The following GAS2 variants were observed in gnomAD, a reference collection of about 807,000 sequenced individuals.
GAS2 encodes the protein growth arrest-specific protein 2.
A neutral mutation model predicts 37.5 loss-of-function variants in GAS2; 20 were observed. The observed-to-expected ratio is 0.53, with a 90% CI of 0.37 to 0.77. GAS2 has a LOEUF of 0.77. Among genes scored for constraint, GAS2 ranks in the 30% least tolerant of loss-of-function variants. The probability of loss-of-function intolerance (pLI) is 0.00; values close to 1 mark genes in which losing one functional copy is unlikely to be tolerated. For synonymous variants in GAS2, 144 were observed against 132.2 expected (o/e 1.09, Z -0.61); for missense variants, 336 against 373.4 (o/e 0.90, Z 0.82).
intron 4 of GAS2, among the ~76,000 whole-genome samples, chr11:22,730,965 A>C (rs1852444209): frequency 6.6e-6 from 1 of 151,824 alleles, no homozygotes; most frequent in Non-Finnish European, 1.5e-5. Flanking sequence ...GCTAAGTTTT[A>C]CAATTTAAAT....
intron 7 of GAS2, among the ~76,000 whole-genome samples, chr11:22,758,066 A>G (rs976217996): frequency 2.6e-5 from 4 of 152,194 alleles, no homozygotes; most frequent in African/African-American, 4.8e-5. Context: ...TAGGGACTAT[A>G]TTTAATTGAT....
At chr11:22,759,474 T>C (rs954537467) in intron 7 of GAS2, among the ~76,000 whole-genome samples, 1 of 152,202 alleles carries the variant, frequency 6.6e-6, no homozygotes. Context: ...AAATGGGAAT[T>C]TTTTTTGTTT....
At chr11:22,782,316 A>T (rs949956476) in intron 7 of GAS2, among the ~76,000 whole-genome samples, 4 of 152,180 alleles carry the variant, frequency 2.6e-5, no homozygotes, top group African/African-American at 9.7e-5. Flanking sequence ...CATTATCATT[A>T]TTTTTCTTTC....
At chr11:22,715,212 A>G (rs1340396000) in intron 3 of GAS2, among the ~76,000 whole-genome samples, 1 of 152,168 alleles carries the variant, frequency 6.6e-6, no homozygotes, top group African/African-American at 2.4e-5. Context: ...CCTGTAATCC[A>G]GCACTTTGGG....
At position 22,749,760 on chromosome 11, in the gene GAS2, G is replaced by C. The variant is rs542409391; in HGVS notation, c.615+499G>C. 2.0e-5 allele frequency among the ~76,000 whole-genome samples: 3 copies of C among 151,944 alleles called. No homozygotes were observed. In the South Asian group the frequency reaches 6.2e-4, roughly 32 times the overall value. The stretch of plus-strand genomic sequence containing the variant: ...GAGTAACCTGCTGAGGGGAGGAGAG[G>C]AGCTTAGATTCCAACAAAAGTTTTG... On this transcript the variant is annotated intron_variant, in intron 6 of 7. Transcript: ENST00000454584.
chr11:22,810,578 T>C (rs1002800573), intron 7 of GAS2, among the ~76,000 whole-genome samples: 1 of 152,216 alleles, frequency 6.6e-6, no homozygotes, highest in African/African-American at 2.4e-5. Flanking sequence ...ATAAATCAAA[T>C]AGCTTTAATT....
At chr11:22,779,755 A>G (rs1398365617) in intron 7 of GAS2, among the ~76,000 whole-genome samples, 1 of 151,790 alleles carries the variant, frequency 6.6e-6, no homozygotes, top group African/African-American at 2.4e-5. Context: ...CATTACAGTA[A>G]CTCTTTCTGG....
intron 7 of GAS2, among the ~76,000 whole-genome samples, chr11:22,789,388 ATATG>A (rs1351656601): frequency 6.6e-5 from 5 of 75,386 alleles, no homozygotes; most frequent in East Asian, 8.1e-4. Flanking sequence ...ATGTACATAT[ATATG>A]TGTGTGTGTG....
chr11:22,782,372 T>C lies in GAS2; in HGVS notation c.723+26419T>C, dbSNP rs528178979. On this transcript the variant is annotated intron_variant, in intron 7 of 7. Transcript: ENST00000454584. ...AAAATAAAGTTAAGGGGTTCCTTAG[T>C]TGTGAACCAATTGGAAAGTACTGTG... Among the ~76,000 whole-genome samples, 10 of 152,292 alleles carry C rather than the reference T, an allele frequency of 6.6e-5. 1 individual carries two copies. The highest frequency in any genetic ancestry group is 2.4e-4 in the African/African-American group (10 of 41,564).
intron 2 of GAS2, among the ~76,000 whole-genome samples, chr11:22,677,636 CA>C (rs1437483804): frequency 6.6e-6 from 1 of 152,088 alleles, no homozygotes; most frequent in Admixed American, 6.6e-5. Context: ...GTGAGCAGCC[CA>C]AGACAGCCTC....
chr11:22,627,740 A>C (rs1047869692), intron 1 of GAS2, among the ~76,000 whole-genome samples: 1 of 148,728 alleles, frequency 6.7e-6, no homozygotes, highest in East Asian at 2.0e-4. Flanking sequence ...GGGCCACTGC[A>C]CTCCTGCCTG....
At chr11:22,758,099 G>A (rs956202211) in intron 7 of GAS2, among the ~76,000 whole-genome samples, 3 of 152,116 alleles carry the variant, frequency 2.0e-5, no homozygotes, top group South Asian at 2.1e-4. Flanking sequence ...CCTTACTAAT[G>A]TAAGGAACTG....
At chr11:22,787,080 G>A (rs918153040) in intron 7 of GAS2, among the ~76,000 whole-genome samples, 7 of 152,118 alleles carry the variant, frequency 4.6e-5, no homozygotes, top group Non-Finnish European at 1.0e-4. Context: ...ATACACAATT[G>A]TTCTTAAAAC....
intron 1 of GAS2, among the ~76,000 whole-genome samples, chr11:22,640,306 A>G (rs1858894137): frequency 6.6e-6 from 1 of 152,192 alleles, no homozygotes. Context: ...ATATTCTACA[A>G]ATTAGAGCTT....
At chr11:22,739,586 A>AAAG (rs1222655351) in intron 5 of GAS2, among the ~76,000 whole-genome samples, 2 of 150,826 alleles carry the variant, frequency 1.3e-5, no homozygotes, top group Non-Finnish European at 3.0e-5. Context: ...AAAAAAAAAA[A>AAAG]AAAAAAAAAA....
intron 7 of GAS2, among the ~76,000 whole-genome samples, chr11:22,774,160 A>C (rs1855134152): frequency 6.6e-6 from 1 of 151,902 alleles, no homozygotes; most frequent in Non-Finnish European, 1.5e-5. Flanking sequence ...CACCCGGCTA[A>C]TTTTTGTATT....
intron 1 of GAS2, among the ~76,000 whole-genome samples, chr11:22,650,906 T>G (rs1241014236): frequency 6.6e-6 from 1 of 150,978 alleles, no homozygotes; most frequent in Non-Finnish European, 1.5e-5. Context: ...TTGGAGCATT[T>G]AGTCCATTTA....
chr11:22,751,248 A>G (rs531979242), intron 6 of GAS2, among the ~76,000 whole-genome samples: 60 of 151,960 alleles, frequency 3.9e-4, no homozygotes, highest in African/African-American at 1.3e-3. Flanking sequence ...CTTTCTCACT[A>G]TACTTCTGCC....
rs61595575 is a variant in GAS2 at position 22,717,775 on chromosome 11, GA to G, written c.268-8508del. Among the ~76,000 whole-genome samples the G allele has an allele frequency of 3.1e-3, 461 of 150,454 alleles. 3 individuals carry two copies. Among genetic ancestry groups the G allele is most frequent in the African/African-American group, 0.011 (450 of 40,994 alleles). ...ACAAGGAACTCAAACAAATCAGCAA[GA>G]AAAAAAAAGAATATCCCATCAAACA... On this transcript the variant is annotated intron_variant, in intron 3 of 7. Coordinates refer to ENST00000454584, the MANE Select transcript of GAS2 (RefSeq NM_001143830.3).
Sources: allele counts gnomAD v4.1 joint callset (sites outside exome capture counted in the v4.1 genomes callset), GRCh38; gene constraint gnomAD v4.1.1; transcripts MANE v1.5; gene names NCBI Gene and HGNC (gene_info 2026-07-23, HGNC 2026-07-21).